The following NAALADL2 variants were observed in gnomAD, a reference collection of about 807,000 sequenced individuals.
NAALADL2 encodes N-acetylated alpha-linked acidic dipeptidase like 2.
NAALADL2 carries 76 observed loss-of-function variants against 87.2 expected under a neutral mutation model. The ratio of observed to expected loss-of-function variants is 0.87; its 90% CI spans 0.72 to 1.05. The LOEUF (loss-of-function observed/expected upper bound fraction) is 1.05, where lower values mean the gene tolerates loss of function less well. Among genes scored for constraint, NAALADL2 ranks in the 50% least tolerant of loss-of-function variants. NAALADL2 has a pLI of 0.00. For missense variants in NAALADL2, 1,089 were observed against 945.8 expected, an observed-to-expected ratio of 1.15 and a Z score of -1.99; for synonymous variants, 354 against 331.0, an observed-to-expected ratio of 1.07 and a Z score of -0.75.
At chr3:174,826,118 T>G (rs1010267493) in intron 3 of NAALADL2, among the ~76,000 whole-genome samples, 4 of 152,132 alleles carry the variant, frequency 2.6e-5, no homozygotes, top group Non-Finnish European at 5.9e-5. Context: ...TCTTTTGACA[T>G]CTCTTTAGTC....
intron 1 of NAALADL2, among the ~76,000 whole-genome samples, chr3:174,932,164 A>G (rs1157422425): frequency 6.6e-6 from 1 of 152,142 alleles, no homozygotes; most frequent in South Asian, 2.1e-4. Flanking sequence ...CTTTCACCAT[A>G]ACTGCAGAGT....
At chr3:175,051,825 C>T (rs911512183) in intron 1 of NAALADL2, among the ~76,000 whole-genome samples, 7 of 152,138 alleles carry the variant, frequency 4.6e-5, no homozygotes, top group Admixed American at 2.0e-4. Context: ...GGCTTTCCCA[C>T]GTCCATTTGG....
chr3:174,791,515 G>A (rs543595343), intron 3 of NAALADL2, among the ~76,000 whole-genome samples: 1 of 152,274 alleles, frequency 6.6e-6, no homozygotes, highest in East Asian at 1.9e-4. Flanking sequence ...CTCTGGAACT[G>A]TGAGAAATAC....
chr3:175,111,938 A>G (rs1404197478), intron 2 of NAALADL2, among the ~76,000 whole-genome samples: 1 of 151,656 alleles, frequency 6.6e-6, no homozygotes, highest in African/African-American at 2.4e-5. Flanking sequence ...TCCCAACTCC[A>G]TTACATCCAG....
At chr3:174,856,469 C>T (rs1250546660), upstream of NAALADL2, among the ~76,000 whole-genome samples, 1 of 152,110 alleles carries the variant, frequency 6.6e-6, no homozygotes, top group Non-Finnish European at 1.5e-5. Flanking sequence ...GATGAGATCT[C>T]ATTCTGTCCT....
intron 1 of NAALADL2, among the ~76,000 whole-genome samples, chr3:175,006,491 T>C (rs957334837): frequency 1.3e-5 from 2 of 152,196 alleles, no homozygotes; most frequent in African/African-American, 4.8e-5. Context: ...GTCAAAGTTA[T>C]GCAGAATGTT....
intron 5 of NAALADL2, among the ~76,000 whole-genome samples, chr3:175,431,906 TGCCACTACTCTGTTCA>T (rs1717821518): frequency 6.6e-6 from 1 of 151,988 alleles, no homozygotes; most frequent in South Asian, 2.1e-4. Flanking sequence ...ATTACCTCAT[TGCCACTACTCTGTTCA>T]GTGGGTTGCC....
intron 2 of NAALADL2, among the ~76,000 whole-genome samples, chr3:175,131,740 C>G (rs74599186): frequency 0.31 from 45,606 of 149,078 alleles, 7,109 homozygotes; most frequent in East Asian, 0.43. Context: ...CGCCCCTCAC[C>G]CCCCGGACAG....
chr3:175,207,559 A>G (rs1280812030), intron 2 of NAALADL2, among the ~76,000 whole-genome samples: 3 of 152,066 alleles, frequency 2.0e-5, no homozygotes, highest in African/African-American at 7.2e-5. Context: ...GTCATTACCC[A>G]TTAGAACACA....
At chr3:174,641,588 T>C (rs559045817) in intron 2 of NAALADL2, among the ~76,000 whole-genome samples, 19 of 152,238 alleles carry the variant, frequency 1.2e-4, no homozygotes, top group African/African-American at 3.4e-4. Context: ...AACACGTCAA[T>C]GTACCTGTCC....
chr3:174,576,556 T>G (rs1194877240), intron 2 of NAALADL2, among the ~76,000 whole-genome samples: 6 of 152,194 alleles, frequency 3.9e-5, no homozygotes, highest in Non-Finnish European at 8.8e-5. Flanking sequence ...TAGTTTTGCA[T>G]TATATGTATT....
chr3:175,055,604 G>A (rs140341957), intron 1 of NAALADL2, among the ~76,000 whole-genome samples: 2,583 of 152,306 alleles, frequency 0.017, 78 homozygotes, highest in African/African-American at 0.056. Context: ...TCCTCATGGC[G>A]TTTCCCGAAA....
chr3:175,034,374 G>A (rs1175921503), intron 1 of NAALADL2, among the ~76,000 whole-genome samples: 1 of 152,100 alleles, frequency 6.6e-6, no homozygotes, highest in Non-Finnish European at 1.5e-5. Context: ...TTGTGCTCAA[G>A]TTGAAATAAA....
At chr3:175,573,171 G>A (rs62285564) in intron 9 of NAALADL2, among the ~76,000 whole-genome samples, 1 of 152,070 alleles carries the variant, frequency 6.6e-6, no homozygotes, top group African/African-American at 2.4e-5. Context: ...AAAAAATTTC[G>A]ATCTAAGGAG....
chr3:175,686,533 T>A (rs1484819709), intron 11 of NAALADL2, among the ~76,000 whole-genome samples: 1 of 152,138 alleles, frequency 6.6e-6, no homozygotes, highest in Non-Finnish European at 1.5e-5. Context: ...CATATTTACA[T>A]ACATATTAAT....
Position 175,397,852 on chromosome 3 carries a change from A to G in NAALADL2, c.1091-49377A>G, listed in dbSNP as rs139953586. On this transcript the variant is annotated intron_variant, in intron 5 of 13. Transcript: ENST00000454872. ...AAGTGATGCATTAATTTTCTGGTGAAGATTAGGGGCCTTTTTGCTTTATAG... is the reference window on the plus strand; with the variant it reads ...AAGTGATGCATTAATTTTCTGGTGAGGATTAGGGGCCTTTTTGCTTTATAG... 1.4e-3 allele frequency among the ~76,000 whole-genome samples: 208 copies of G among 152,218 alleles called. 1 individual carries two copies. Among genetic ancestry groups the G allele is most frequent in the African/African-American group, 4.7e-3 (197 of 41,544 alleles).
chr3:174,938,357 C>A (rs991614549), intron 1 of NAALADL2, among the ~76,000 whole-genome samples: 5 of 152,022 alleles, frequency 3.3e-5, no homozygotes, highest in African/African-American at 1.2e-4. Context: ...GACGTGATCT[C>A]CTTCCTTTCA....
In NAALADL2 at chr3:174,793,298, T is replaced by C. The variant is rs1176745233; in HGVS notation, c.-9+55552T>C. On this transcript the variant is annotated intron_variant, in intron 3 of 3. Coordinates refer to the NAALADL2 transcript ENST00000434257. ...ATAAAAACTGAATTGAAATGGATTT[T>C]ATTGTTTAACAATACAAGTCAGCTA... Among the ~76,000 whole-genome samples, 7 of 152,312 alleles carry C rather than the reference T, an allele frequency of 4.6e-5. No individual in the cohort carries two copies. In the East Asian group the frequency reaches 1.2e-3, roughly 25 times the overall value.
chr3:174,534,294 C>CA (rs139369716), intron 1 of NAALADL2, among the ~76,000 whole-genome samples: 7,016 of 151,776 alleles, frequency 0.046, 499 homozygotes, highest in African/African-American at 0.16. Flanking sequence ...ACAATATAAA[C>CA]AAAAAAAATG....
Sources: allele counts gnomAD v4.1 joint callset (sites outside exome capture counted in the v4.1 genomes callset), GRCh38; gene constraint gnomAD v4.1.1; transcripts MANE v1.5; gene names NCBI Gene and HGNC (gene_info 2026-07-23, HGNC 2026-07-21).